Variants in MAPKAPK3 observed in about 807,000 individuals in gnomAD.
MAPKAPK3 encodes the protein MAPK activated protein kinase 3, also known as MAP kinase-activated protein kinase 3.
MAPKAPK3 carries 35 observed loss-of-function variants against 49.2 expected under a neutral mutation model. The observed-to-expected ratio is 0.71, with a 90% CI of 0.54 to 0.94. The LOEUF is 0.94. MAPKAPK3 is among the 40% of genes least tolerant of loss of function. The pLI is 0.00. For synonymous variants in MAPKAPK3, 178 were observed against 188.7 expected (o/e 0.94, Z 0.46); for missense variants, 398 against 493.1 (o/e 0.81, Z 1.83).
intron 5 of MAPKAPK3, among the ~76,000 whole-genome samples, chr3:50,642,971 C>T (rs1438932463): frequency 6.6e-6 from 1 of 152,190 alleles, no homozygotes; most frequent in African/African-American, 2.4e-5. Flanking sequence ...CCTGCCTCAG[C>T]CTCCCAAGTA....
intron 2 of MAPKAPK3, among the ~76,000 whole-genome samples, chr3:50,630,835 C>G (rs1000772455): frequency 6.6e-6 from 1 of 152,232 alleles, no homozygotes; most frequent in African/African-American, 2.4e-5. Flanking sequence ...AGGACATTTC[C>G]CCACAGGTAG....
At chr3:50,647,257 G>A in intron 10 of MAPKAPK3, 54 bp downstream of exon 10, 3 of 1,462,062 alleles carry the variant, frequency 2.1e-6, no homozygotes, top group Non-Finnish European at 1.9e-6. Context: ...GGGCAAAAGG[G>A]ACTTCAGGGG....
At chr3:50,614,022 A>G (rs1364745132), upstream of MAPKAPK3, 5 of 152,288 alleles carry the variant, frequency 3.3e-5, no homozygotes, top group Admixed American at 6.5e-5. Context: ...CCTACAGGTC[A>G]GTGATTATGC....
upstream of MAPKAPK3, among the ~76,000 whole-genome samples, chr3:50,616,208 G>C (rs539423851): frequency 2.0e-5 from 3 of 152,302 alleles, no homozygotes; most frequent in South Asian, 4.1e-4. Context: ...CGGATTGGGG[G>C]AGTGATGTGA....
chr3:50,621,875 C>A (rs1446271686), intron 2 of MAPKAPK3, among the ~76,000 whole-genome samples: 1 of 152,156 alleles, frequency 6.6e-6, no homozygotes, highest in Non-Finnish European at 1.5e-5. Flanking sequence ...GGGGCTCTTC[C>A]CCTCTGACCC....
intron 2 of MAPKAPK3, among the ~76,000 whole-genome samples, chr3:50,638,656 G>A (rs751679402): frequency 9.2e-5 from 14 of 152,186 alleles, no homozygotes; most frequent in Non-Finnish European, 1.8e-4. Context: ...AGAAAAGGAG[G>A]GACAGCCAAG....
chr3:50,637,563 C>T (rs2033070645), intron 2 of MAPKAPK3, among the ~76,000 whole-genome samples: 2 of 149,740 alleles, frequency 1.3e-5, no homozygotes, highest in African/African-American at 2.5e-5. Flanking sequence ...ACCCGGGAGG[C>T]GGAGCTTGCA....
At chr3:50,635,321 G>A (rs1294029700) in intron 2 of MAPKAPK3, among the ~76,000 whole-genome samples, 1 of 151,798 alleles carries the variant, frequency 6.6e-6, no homozygotes, top group Non-Finnish European at 1.5e-5. Flanking sequence ...TGAGGTACAG[G>A]CTGCCCTTGG....
In MAPKAPK3 at chr3:50,617,561, G is replaced by A. The variant is rs1370439442; in HGVS notation, c.-5G>A. 1 of 1,469,620 alleles carries A rather than the reference G, an allele frequency of 6.8e-7. No individual in the cohort carries two copies. Among genetic ancestry groups the A allele is most frequent in the South Asian group, 1.2e-5 (1 of 86,816 alleles). The allele number at this position is 1,469,620 out of a possible 1,614,324, so 91.0% of individuals were successfully genotyped here. Reference sequence around the variant, plus strand: ...GGGGCCGCCTCTGAGCGCCCCGCGGGGGCCATGGATGGTGAAACAGCAGAG... The same window carrying A: ...GGGGCCGCCTCTGAGCGCCCCGCGGAGGCCATGGATGGTGAAACAGCAGAG... On this transcript the variant is annotated 5_prime_UTR_variant, in exon 2 of 11. Coordinates refer to ENST00000621469, the MANE Select transcript of MAPKAPK3 (RefSeq NM_001243925.2).
intron 5 of MAPKAPK3, among the ~76,000 whole-genome samples, chr3:50,642,913 G>T (rs964018321): frequency 2.6e-5 from 4 of 152,072 alleles, no homozygotes; most frequent in African/African-American, 9.7e-5. Flanking sequence ...GTGCAGTGGC[G>T]CAATCTCGGC....
chr3:50,621,509 A>T (rs2107574558), intron 2 of MAPKAPK3, among the ~76,000 whole-genome samples: 1 of 151,676 alleles, frequency 6.6e-6, no homozygotes, highest in Admixed American at 6.6e-5. Context: ...GAGGCAGGAG[A>T]ATCGCTTGAA....
Position 50,621,733 on chromosome 3 carries a change from A to T in MAPKAPK3, c.219+3949A>T, listed in dbSNP as rs541099386. Among the ~76,000 whole-genome samples the T allele has an allele frequency of 7.2e-5, 11 of 152,128 alleles. No homozygotes were observed. In the South Asian group the frequency reaches 2.1e-3, roughly 29 times the overall value. On this transcript the variant is annotated intron_variant, in intron 2 of 10. Coordinates refer to ENST00000621469, the MANE Select transcript of MAPKAPK3 (RefSeq NM_001243925.2). ...GGCTGCAGTGAGCTGTGGTCATGCC[A>T]CTGTACTCCAGCCTGGGTGACAGAG...
At chr3:50,640,647 C>A in intron 3 of MAPKAPK3, 142 bp downstream of exon 3, 1 of 1,021,810 alleles carries the variant, frequency 9.8e-7, no homozygotes, top group Non-Finnish European at 1.4e-6. Flanking sequence ...ATGGAGCAGG[C>A]AGCCGCAGGC....
intron 2 of MAPKAPK3, among the ~76,000 whole-genome samples, chr3:50,627,610 G>A (rs980850973): frequency 6.6e-6 from 1 of 152,152 alleles, no homozygotes; most frequent in African/African-American, 2.4e-5. Context: ...CCAGGAGAGG[G>A]GGAGTGAGTC....
intron 2 of MAPKAPK3, among the ~76,000 whole-genome samples, chr3:50,625,779 C>A (rs960785382): frequency 6.6e-6 from 1 of 152,182 alleles, no homozygotes; most frequent in South Asian, 2.1e-4. Flanking sequence ...TTGCCTGTCT[C>A]GTGTGTTTCA....
At chr3:50,640,272 G>C in intron 2 of MAPKAPK3, 94 bp from the exon 3 acceptor site, 1 of 1,219,288 alleles carries the variant, frequency 8.2e-7, no homozygotes, top group Non-Finnish European at 1.2e-6. Flanking sequence ...GTGACCTGGG[G>C]CAGGTCACAG....
intron 2 of MAPKAPK3, among the ~76,000 whole-genome samples, chr3:50,637,824 C>T (rs2033080187): frequency 6.6e-6 from 1 of 152,060 alleles, no homozygotes. Context: ...GGCAAGAATG[C>T]ACATGACAGG....
At chr3:50,645,495 G>A (rs907387084) in intron 6 of MAPKAPK3, among the ~76,000 whole-genome samples, 2 of 152,312 alleles carry the variant, frequency 1.3e-5, no homozygotes, top group South Asian at 4.1e-4. Context: ...AAGGGAGCTA[G>A]GGGTATGTCT....
At chr3:50,638,516 C>T (rs563635213) in intron 2 of MAPKAPK3, among the ~76,000 whole-genome samples, 9 of 152,316 alleles carry the variant, frequency 5.9e-5, no homozygotes, top group African/African-American at 1.9e-4. Context: ...GCAGCCTTGA[C>T]GCACACCCCC....
Sources: gnomAD v4.1 joint callset for allele counts (sites outside exome capture counted in the v4.1 genomes callset) on GRCh38, gnomAD v4.1.1 for gene constraint, MANE v1.5 for transcripts, NCBI Gene and HGNC (gene_info 2026-07-23, HGNC 2026-07-21) for gene names.